Variants in TBL1XR1 observed in about 807,000 individuals in gnomAD.
TBL1XR1 encodes TBL1X/Y related 1.
TBL1XR1 carries 5 observed loss-of-function variants against 66.9 expected under a neutral mutation model. That is an observed-to-expected ratio of 0.07 (90% confidence interval 0.04 to 0.16). TBL1XR1 has a LOEUF of 0.16. TBL1XR1 is among the 10% of genes least tolerant of loss of function. The pLI is 1.00. For synonymous variants in TBL1XR1, 210 were observed against 206.0 expected, an observed-to-expected ratio of 1.02 and a Z score of -0.17; for missense variants, 238 against 623.2, an observed-to-expected ratio of 0.38 and a Z score of 6.58.
At chr3:177,089,616 C>T (rs1722579931) in intron 2 of TBL1XR1, among the ~76,000 whole-genome samples, 1 of 152,140 alleles carries the variant, frequency 6.6e-6, no homozygotes, top group Non-Finnish European at 1.5e-5. Flanking sequence ...GGGTCTGGTT[C>T]CTCAAGAATC....
chr3:177,173,684 C>G (rs185493244), intron 1 of TBL1XR1, among the ~76,000 whole-genome samples: 1 of 152,140 alleles, frequency 6.6e-6, no homozygotes, highest in East Asian at 1.9e-4. Context: ...AAAAGACATT[C>G]GTGGAAAAAA....
At chr3:177,082,738 T>TCATATATATATATATATA (rs1721561508) in intron 2 of TBL1XR1, among the ~76,000 whole-genome samples, 1 of 63,234 alleles carries the variant, frequency 1.6e-5, no homozygotes. Context: ...AAGATAGAGA[T>TCATATATATATATATATA]TATATATATA....
intron 1 of TBL1XR1, among the ~76,000 whole-genome samples, chr3:177,145,244 CTG>C (rs1730111700): frequency 6.6e-6 from 1 of 152,230 alleles, no homozygotes; most frequent in African/African-American, 2.4e-5. Context: ...ATCTGACCCA[CTG>C]TGTTTTAGTA....
intron 1 of TBL1XR1, among the ~76,000 whole-genome samples, chr3:177,116,075 T>A (rs941100221): frequency 6.6e-6 from 1 of 152,180 alleles, no homozygotes; most frequent in African/African-American, 2.4e-5. Flanking sequence ...ACCCAGGCAA[T>A]AAACCTGATG....
intron 10 of TBL1XR1, among the ~76,000 whole-genome samples, chr3:177,040,347 T>C (rs1715411370): frequency 6.6e-6 from 1 of 152,150 alleles, no homozygotes; most frequent in Admixed American, 6.5e-5. Flanking sequence ...TTTAGCTATG[T>C]ATACTAATTA....
At chr3:177,045,900 C>T (rs1038623268) in intron 10 of TBL1XR1, among the ~76,000 whole-genome samples, 1 of 152,074 alleles carries the variant, frequency 6.6e-6, no homozygotes, top group South Asian at 2.1e-4. Flanking sequence ...ATAATGCCAC[C>T]TCTAATTGCA....
chr3:177,064,809 A>G, intron 3 of TBL1XR1, 111 bp downstream of exon 3: 1 of 745,366 alleles, frequency 1.3e-6, no homozygotes, highest in Non-Finnish European at 2.2e-6. Context: ...AGACATTAAG[A>G]AAACATACAA....
At chr3:177,181,743 T>A (rs1301176176) in intron 1 of TBL1XR1, among the ~76,000 whole-genome samples, 3 of 150,362 alleles carry the variant, frequency 2.0e-5, no homozygotes, top group African/African-American at 7.4e-5. Flanking sequence ...ATGGACTGGG[T>A]ATGCAAGACC....
In TBL1XR1 at chr3:177,021,591, G is replaced by C. The variant is rs1199231906; in HGVS notation, c.*3907C>G. The C allele has an allele frequency of 6.6e-6, 1 of 152,464 alleles. No individual in the cohort carries two copies. Among genetic ancestry groups the C allele is most frequent in the Non-Finnish European group, 1.5e-5 (1 of 67,974 alleles). The allele number at this position is 152,464 out of a possible 1,614,324, so 9.4% of individuals were successfully genotyped here. On this transcript the variant is annotated 3_prime_UTR_variant, in exon 16 of 16. Coordinates refer to ENST00000457928, the MANE Select transcript of TBL1XR1 (RefSeq NM_024665.7). Reference sequence around the variant, plus strand: ...AACTGATATTAAATGTGACACTTCAGAGCTACTACTGGAAGGAGTAATTCA... The same window carrying C: ...AACTGATATTAAATGTGACACTTCACAGCTACTACTGGAAGGAGTAATTCA...
chr3:177,106,327 T>C (rs1430530318), intron 1 of TBL1XR1, among the ~76,000 whole-genome samples: 1 of 152,154 alleles, frequency 6.6e-6, no homozygotes, highest in Non-Finnish European at 1.5e-5. Context: ...GGATATGTGA[T>C]TCATCAAGGA....
chr3:177,093,833 CAA>C (rs968963827), intron 2 of TBL1XR1, among the ~76,000 whole-genome samples: 22 of 152,116 alleles, frequency 1.4e-4, no homozygotes, highest in Non-Finnish European at 3.1e-4. Flanking sequence ...CAAGATGGAT[CAA>C]AGAGTTGAAT....
At chr3:177,041,998 T>C (rs1715651380) in intron 10 of TBL1XR1, among the ~76,000 whole-genome samples, 1 of 152,202 alleles carries the variant, frequency 6.6e-6, no homozygotes, top group Non-Finnish European at 1.5e-5. Flanking sequence ...GGTTACCTCC[T>C]ATTCCTTAGT....
intron 1 of TBL1XR1, among the ~76,000 whole-genome samples, chr3:177,100,760 C>T (rs1311997247): frequency 6.6e-6 from 1 of 151,994 alleles, no homozygotes; most frequent in Non-Finnish European, 1.5e-5. Context: ...TCTTGATAAT[C>T]CCTAATTTTT....
chr3:177,189,230 A>G (rs930010707), intron 1 of TBL1XR1, among the ~76,000 whole-genome samples: 2 of 150,880 alleles, frequency 1.3e-5, no homozygotes, highest in African/African-American at 4.9e-5. Context: ...AGAAATAACA[A>G]TTTCAGGCCA....
chr3:177,163,709 TG>T (rs1451689013), intron 1 of TBL1XR1, among the ~76,000 whole-genome samples: 2 of 152,086 alleles, frequency 1.3e-5, no homozygotes, highest in East Asian at 3.9e-4. Flanking sequence ...CTGATGACAG[TG>T]GTTAGCTCTA....
chr3:177,174,035 A>G (rs1002031076), intron 1 of TBL1XR1, among the ~76,000 whole-genome samples: 14 of 152,098 alleles, frequency 9.2e-5, no homozygotes, highest in Admixed American at 8.5e-4. Flanking sequence ...CCCACTAGCA[A>G]CTTCATGAAC....
intron 10 of TBL1XR1, among the ~76,000 whole-genome samples, chr3:177,040,109 G>C (rs990417581): frequency 1.3e-5 from 2 of 152,182 alleles, no homozygotes; most frequent in Non-Finnish European, 2.9e-5. Context: ...TTTGAGCCCA[G>C]GTGTTTGAGA....
intron 2 of TBL1XR1, among the ~76,000 whole-genome samples, chr3:177,096,335 T>TACATACACACACAC (rs368291107): frequency 3.3e-5 from 5 of 150,204 alleles, no homozygotes; most frequent in Non-Finnish European, 4.4e-5. Flanking sequence ...CATACATACA[T>TACATACACACACAC]ACACACACAC....
At chr3:177,137,115 A>G (rs2108806723) in intron 1 of TBL1XR1, among the ~76,000 whole-genome samples, 1 of 151,502 alleles carries the variant, frequency 6.6e-6, no homozygotes, top group African/African-American at 2.4e-5. Context: ...GCATACATTA[A>G]AATTAAAATG....
Sources: gnomAD v4.1 joint callset for allele counts (sites outside exome capture counted in the v4.1 genomes callset) on GRCh38, gnomAD v4.1.1 for gene constraint, MANE v1.5 for transcripts, NCBI Gene and HGNC (gene_info 2026-07-23, HGNC 2026-07-21) for gene names.